The following ZCCHC24 variants were observed in gnomAD, a reference collection of about 807,000 sequenced individuals.
ZCCHC24 encodes the protein zinc finger CCHC domain-containing protein 24.
Under a neutral mutation model 26.2 loss-of-function variants are expected in ZCCHC24, and 10 were observed. That is an observed-to-expected ratio of 0.38 (90% confidence interval 0.24 to 0.65). The LOEUF is 0.65. Among genes scored for constraint, ZCCHC24 ranks in the 30% least tolerant of loss-of-function variants. The probability of loss-of-function intolerance (pLI) is 0.54; values close to 1 mark genes in which losing one functional copy is unlikely to be tolerated. For missense variants in ZCCHC24, 243 were observed against 329.1 expected (o/e 0.74, Z 2.03); for synonymous variants, 144 against 147.1 (o/e 0.98, Z 0.15).
At chr10:79,386,497 G>A (rs1856399556) in intron 3 of ZCCHC24, 39 bp from the exon 4 acceptor site, 1 of 1,506,626 alleles carries the variant, frequency 6.6e-7, no homozygotes, top group Non-Finnish European at 9.1e-7. Flanking sequence ...GGGAGTGAGG[G>A]GAGAGAAAGA....
chr10:79,415,346 G>A (rs2132199381), intron 2 of ZCCHC24, among the ~76,000 whole-genome samples: 1 of 152,246 alleles, frequency 6.6e-6, no homozygotes, highest in East Asian at 1.9e-4. Context: ...AATGGTCTCA[G>A]GGCAGGACGG....
chr10:79,431,369 G>C (rs1227149600), intron 2 of ZCCHC24, among the ~76,000 whole-genome samples: 1 of 152,188 alleles, frequency 6.6e-6, no homozygotes. Context: ...TGAGGGGGAG[G>C]ACAGGACCCA....
chr10:79,400,662 G>A (rs551506080), intron 2 of ZCCHC24, among the ~76,000 whole-genome samples: 198 of 152,300 alleles, frequency 1.3e-3, no homozygotes, highest in African/African-American at 4.6e-3. Context: ...CCCCTAGGGG[G>A]CGCACTGTGC....
chr10:79,426,178 T>A (rs573686537), intron 2 of ZCCHC24, among the ~76,000 whole-genome samples: 2 of 152,304 alleles, frequency 1.3e-5, no homozygotes, highest in South Asian at 4.1e-4. Context: ...AAGTAATAAG[T>A]GACCAACCCC....
At chr10:79,393,698 C>A (rs188710968) in intron 3 of ZCCHC24, among the ~76,000 whole-genome samples, 2 of 152,332 alleles carry the variant, frequency 1.3e-5, no homozygotes, top group East Asian at 3.9e-4. Context: ...CCCTCTCCTG[C>A]GCTTTCACTG....
chr10:79,429,619 A>C lies in ZCCHC24; in HGVS notation c.447+2939T>G, dbSNP rs543081384. Among the ~76,000 whole-genome samples, 48 of 152,278 alleles carry C rather than the reference A, an allele frequency of 3.2e-4. No individual in the cohort carries two copies. In the South Asian group the frequency reaches 9.5e-3, roughly 30 times the overall value. The stretch of plus-strand genomic sequence containing the variant: ...AAAGAGGTGATACCTAAGGAGTATG[A>C]AATTCCTTTTCAAGGTGATGACAAT... On this transcript the variant is annotated intron_variant, in intron 2 of 3. Coordinates refer to ENST00000372336, the MANE Select transcript of ZCCHC24 (RefSeq NM_153367.4).
intron 2 of ZCCHC24, among the ~76,000 whole-genome samples, chr10:79,404,094 A>T (rs115130670): frequency 6.6e-6 from 1 of 152,074 alleles, no homozygotes; most frequent in Non-Finnish European, 1.5e-5. Flanking sequence ...AAACAAACCA[A>T]AAGGGCTGGG....
At chr10:79,408,339 C>G (rs544380444) in intron 2 of ZCCHC24, among the ~76,000 whole-genome samples, 1 of 152,284 alleles carries the variant, frequency 6.6e-6, no homozygotes, top group Admixed American at 6.5e-5. Flanking sequence ...GTTAGGCCAG[C>G]TGCTTACTAT....
At position 79,406,125 on chromosome 10, in the gene ZCCHC24, G is replaced by A. The variant is rs139837485; in HGVS notation, c.448-11685C>T. Among the ~76,000 whole-genome samples the A allele has an allele frequency of 6.2e-4, 95 of 152,314 alleles. 1 individual carries two copies. The East Asian group carries it at 9.7e-3, about 15-fold the overall frequency. ...TCCCCTGCGTGCTGGGGCTGGCCACGCACACAACCTGTAGGTAGCTTCATT... is the reference window on the plus strand; with the variant it reads ...TCCCCTGCGTGCTGGGGCTGGCCACACACACAACCTGTAGGTAGCTTCATT... On this transcript the variant is annotated intron_variant, in intron 2 of 3. Coordinates refer to ENST00000372336, the MANE Select transcript of ZCCHC24 (RefSeq NM_153367.4).
At chr10:79,402,740 C>T (rs1201360506) in intron 2 of ZCCHC24, among the ~76,000 whole-genome samples, 1 of 152,188 alleles carries the variant, frequency 6.6e-6, no homozygotes, top group Non-Finnish European at 1.5e-5. Flanking sequence ...GGCCAAGCAA[C>T]CTGCTCAAGG....
Position 79,406,290 on chromosome 10 carries a change from T to C in ZCCHC24, c.448-11850A>G, listed in dbSNP as rs1856711398. ...AATTCCCTCCTTGCTGAGCGAGATA[T>C]CGGAGGTCCAGAAGGCCATGGACAG... On this transcript the variant is annotated intron_variant, in intron 2 of 3. Coordinates refer to ENST00000372336, the MANE Select transcript of ZCCHC24 (RefSeq NM_153367.4). 2.0e-5 allele frequency among the ~76,000 whole-genome samples: 3 copies of C among 152,112 alleles called. No individual in the cohort carries two copies. The South Asian group carries it at 6.2e-4, about 32-fold the overall frequency.
chr10:79,406,451 C>G (rs538752251), intron 2 of ZCCHC24, among the ~76,000 whole-genome samples: 10 of 152,220 alleles, frequency 6.6e-5, no homozygotes, highest in African/African-American at 2.4e-4. Context: ...CCCTGCTGAC[C>G]CTGCTTCTTC....
chr10:79,421,462 C>CCCTTCCTCCCTCCCTT (rs1856935676), intron 2 of ZCCHC24, among the ~76,000 whole-genome samples: 2 of 149,944 alleles, frequency 1.3e-5, no homozygotes, highest in East Asian at 4.0e-4. Context: ...CTCCCTCCCT[C>CCCTTCCTCCCTCCCTT]CCTTCTTTCC....
chr10:79,399,526 A>C (rs1436321511), intron 2 of ZCCHC24, among the ~76,000 whole-genome samples: 1 of 152,188 alleles, frequency 6.6e-6, no homozygotes, highest in African/African-American at 2.4e-5. Flanking sequence ...GAGCTCAGAA[A>C]CCACTCCTTG....
chr10:79,445,140 A>ACGGTGGGGCGGTGGGG lies in ZCCHC24; in HGVS notation c.246+39_246+54dup, dbSNP rs1222825064. ...CGGGTCAGACAGGGAACGGCCCGCC[A>ACGGTGGGGCGGTGGGG]CGGTGGGGCGGTGGGGCGGTGGGGC... On this transcript the variant is annotated intron_variant, in intron 1 of 3. Transcript: ENST00000372336. 1,698 of 1,099,130 alleles carry ACGGTGGGGCGGTGGGG rather than the reference A, an allele frequency of 1.5e-3. 14 individuals are homozygous for ACGGTGGGGCGGTGGGG. The highest frequency in any genetic ancestry group is 8.4e-3 in the Middle Eastern group (23 of 2,724). 68.1% of individuals were successfully genotyped at this position (1,099,130 alleles called of 1,614,324 possible).
chr10:79,438,696 C>T (rs1263105699), intron 1 of ZCCHC24, among the ~76,000 whole-genome samples: 1 of 152,196 alleles, frequency 6.6e-6, no homozygotes, highest in East Asian at 1.9e-4. Flanking sequence ...ATTTAAATCA[C>T]AAGTCTAGGT....
chr10:79,416,634 C>T (rs1725198870), intron 2 of ZCCHC24, among the ~76,000 whole-genome samples: 1 of 152,168 alleles, frequency 6.6e-6, no homozygotes, highest in Non-Finnish European at 1.5e-5. Flanking sequence ...ACATTAGCTC[C>T]CTGCCTTTCT....
rs766970952 is a variant in ZCCHC24, at chr10:79,432,513, C to T, written c.447+45G>A. 5 of 1,575,744 alleles carry T rather than the reference C, an allele frequency of 3.2e-6. No homozygotes were observed. The South Asian group carries it at 4.6e-5, about 15-fold the overall frequency. ...TACCCACAGGAGCCTGTCCGCAGGTCAGTAGGGGAGCCCAAGAGCACCCCC... is the reference window on the plus strand; with the variant it reads ...TACCCACAGGAGCCTGTCCGCAGGTTAGTAGGGGAGCCCAAGAGCACCCCC... On this transcript the variant is annotated intron_variant, in intron 2 of 3. Coordinates refer to ENST00000372336, the MANE Select transcript of ZCCHC24 (RefSeq NM_153367.4).
intron 2 of ZCCHC24, among the ~76,000 whole-genome samples, chr10:79,420,286 T>A (rs1440518623): frequency 6.6e-6 from 1 of 151,760 alleles, no homozygotes; most frequent in Non-Finnish European, 1.5e-5. Flanking sequence ...CCCTGTCCCC[T>A]CCCCAAGACC....
Sources: allele counts gnomAD v4.1 joint callset (sites outside exome capture counted in the v4.1 genomes callset), GRCh38; gene constraint gnomAD v4.1.1; transcripts MANE v1.5; gene names NCBI Gene and HGNC (gene_info 2026-07-23, HGNC 2026-07-21).